LMF1: variants seen among roughly 807,000 people sequenced by gnomAD.
LMF1 encodes transmembrane protein 112.
LMF1 carries 68 observed loss-of-function variants against 60.6 expected under a neutral mutation model. The ratio of observed to expected loss-of-function variants is 1.12; its 90% CI spans 0.92 to 1.37. The LOEUF is 1.37. Among genes scored for constraint, LMF1 ranks in the 40% most tolerant of loss-of-function variants. LMF1 has a pLI of 0.00. For missense variants in LMF1, 948 were observed against 767.2 expected, an observed-to-expected ratio of 1.24 and a Z score of -2.78; for synonymous variants, 418 against 324.7, an observed-to-expected ratio of 1.29 and a Z score of -3.09.
rs750179680 is a variant in LMF1, at chr16:965,880, GA to G, written c.193+4907del. Among the ~76,000 whole-genome samples the G allele has an allele frequency of 3.2e-4, 48 of 152,282 alleles. 1 individual carries two copies. Among genetic ancestry groups the G allele is most frequent in the South Asian group, 1.4e-3 (7 of 4,832 alleles). ...CTGCTACGGGTCAGCACATTTCACT[GA>G]GCAGGAGATGCCCCTAGAAGACAAG... On this transcript the variant is annotated intron_variant, in intron 1 of 10. Transcript: ENST00000262301.
intron 10 of LMF1, among the ~76,000 whole-genome samples, chr16:861,029 T>C (rs1567139571): frequency 6.6e-6 from 1 of 151,984 alleles, no homozygotes; most frequent in Non-Finnish European, 1.5e-5. Flanking sequence ...TTTTTTTTAA[T>C]AGGAATTGCA....
Position 871,204 on chromosome 16 carries a change from C to G in LMF1, c.1035G>C (p.Gln345His). The G allele has an allele frequency of 6.2e-7, 1 of 1,610,716 alleles. No homozygotes were observed. Among genetic ancestry groups the G allele is most frequent in the Non-Finnish European group, 8.5e-7 (1 of 1,179,168 alleles). ...GGGCCCCTCGGATGTCCCTCTGCATCTGCAGAACTCGGTCCTTCAGGCTGC... is the reference window on the plus strand; with the variant it reads ...GGGCCCCTCGGATGTCCCTCTGCATGTGCAGAACTCGGTCCTTCAGGCTGC... ...GPGSLKDRVL[Q>H]MQRDIRGARP... Residue 345 changes from glutamine (Q) to histidine (H), a missense_variant, in exon 7 of 11, where the codon CAG becomes CAC. By Grantham distance (24) the Gln-to-His change is conservative. Coordinates refer to ENST00000262301, the MANE Select transcript of LMF1 (RefSeq NM_022773.4).
At chr16:865,294 T>G (rs1160789962) in intron 10 of LMF1, among the ~76,000 whole-genome samples, 1 of 152,246 alleles carries the variant, frequency 6.6e-6, no homozygotes, top group Non-Finnish European at 1.5e-5. Flanking sequence ...AGCCTTTGCT[T>G]AACCATCCAA....
chr16:864,238 AT>A (rs1321874537), intron 10 of LMF1, among the ~76,000 whole-genome samples: 1 of 152,212 alleles, frequency 6.6e-6, no homozygotes, highest in Non-Finnish European at 1.5e-5. Context: ...GGTTAATACA[AT>A]GAATCCTTTA....
chr16:942,976 T>G (rs771234341), intron 2 of LMF1, among the ~76,000 whole-genome samples: 4 of 152,262 alleles, frequency 2.6e-5, no homozygotes, highest in Non-Finnish European at 5.9e-5. Flanking sequence ...TGAGGCTATC[T>G]TCTACCCACC....
At chr16:928,191 C>T (rs1429834690) in intron 3 of LMF1, among the ~76,000 whole-genome samples, 2 of 152,214 alleles carry the variant, frequency 1.3e-5, no homozygotes, top group Admixed American at 6.5e-5. Context: ...GCACCCGCTA[C>T]GTGGATGGGC....
chr16:930,333 A>G (rs1477669291), intron 3 of LMF1, among the ~76,000 whole-genome samples: 5 of 152,210 alleles, frequency 3.3e-5, no homozygotes, highest in African/African-American at 1.2e-4. Flanking sequence ...GGGCTCTTAC[A>G]ACAGTAGAGA....
At chr16:948,359 CAG>C (rs1337325337) in intron 2 of LMF1, among the ~76,000 whole-genome samples, 1 of 147,098 alleles carries the variant, frequency 6.8e-6, no homozygotes, top group African/African-American at 2.5e-5. Context: ...ATGACAGAGT[CAG>C]AGCCAACGAC....
chr16:936,093 G>A (rs938606897), intron 2 of LMF1, among the ~76,000 whole-genome samples: 2 of 147,992 alleles, frequency 1.4e-5, no homozygotes, highest in Admixed American at 6.7e-5. Context: ...AGGGAGAGAG[G>A]GCACCCCGTT....
At position 970,449 on chromosome 16, in the gene LMF1, G is replaced by C. The variant is rs1162118109; in HGVS notation, c.193+339C>G. 2.6e-5 allele frequency among the ~76,000 whole-genome samples: 4 copies of C among 152,264 alleles called. No individual in the cohort carries two copies. In the East Asian group the frequency reaches 7.8e-4, roughly 30 times the overall value. Reference sequence around the variant, plus strand: ...GACCCTCCACCTGCCCAGCTCTCCTGGGAACTCCTGGGCCAGGGCCCGGGC... The same window carrying C: ...GACCCTCCACCTGCCCAGCTCTCCTCGGAACTCCTGGGCCAGGGCCCGGGC... On this transcript the variant is annotated intron_variant, in intron 1 of 10. Transcript: ENST00000262301.
intron 2 of LMF1, among the ~76,000 whole-genome samples, chr16:949,472 CCAACGACAGAGTCAGAGA>C (rs1192420355): frequency 2.1e-5 from 3 of 142,120 alleles, no homozygotes. Flanking sequence ...AGAGTCAGAG[CCAACGACAGAGTCAGAGA>C]CAACGACAGA....
upstream of LMF1, chr16:971,095 C>T: frequency 9.2e-7 from 1 of 1,087,192 alleles, no homozygotes; most frequent in Non-Finnish European, 1.2e-6. Flanking sequence ...CCCACCCACA[C>T]CCCGGGAGGC....
intron 6 of LMF1, among the ~76,000 whole-genome samples, chr16:879,056 C>T (rs981383221): frequency 1.1e-4 from 16 of 151,894 alleles, no homozygotes; most frequent in Admixed American, 8.5e-4. Context: ...GCAGGGATGG[C>T]GGTGACTGTG....
chr16:894,906 G>T (rs907112213), intron 4 of LMF1, among the ~76,000 whole-genome samples: 1 of 152,216 alleles, frequency 6.6e-6, no homozygotes, highest in African/African-American at 2.4e-5. Context: ...TGTTCACAGC[G>T]GAGGCCAGCC....
intron 3 of LMF1, among the ~76,000 whole-genome samples, chr16:925,281 G>T (rs957303791): frequency 6.6e-6 from 1 of 152,250 alleles, no homozygotes; most frequent in Non-Finnish European, 1.5e-5. Context: ...CTGGAAGTAT[G>T]AATCACAGCA....
In LMF1 at chr16:873,825, CA is replaced by C. The variant is rs1268496035; in HGVS notation, c.898-2485del. ...ACCAGTCCATCAGCATCCACGACAG[CA>C]GTGACCCAGAGCCCTATGCCTGACC... On this transcript the variant is annotated intron_variant, in intron 6 of 10. Coordinates refer to ENST00000262301, the MANE Select transcript of LMF1 (RefSeq NM_022773.4). 2.8e-4 allele frequency: 42 copies of C among 152,424 alleles called. 2 individuals are homozygous for C. The highest frequency in any genetic ancestry group is 2.7e-3 in the Admixed American group (42 of 15,286). 9.4% of individuals were successfully genotyped at this position (152,424 alleles called of 1,614,324 possible). A position where few individuals can be genotyped will look rare whatever the true frequency, so the allele number is the denominator to read the frequency against.
chr16:876,493 TCAA>T (rs2069981694), intron 6 of LMF1, among the ~76,000 whole-genome samples: 1 of 152,156 alleles, frequency 6.6e-6, no homozygotes, highest in Non-Finnish European at 1.5e-5. Context: ...GTCCTGCCTA[TCAA>T]CTATACAAGG....
intron 10 of LMF1, among the ~76,000 whole-genome samples, chr16:863,704 C>T (rs2069534056): frequency 6.6e-6 from 1 of 152,092 alleles, no homozygotes; most frequent in Non-Finnish European, 1.5e-5. Flanking sequence ...TGCCTGATGC[C>T]AAGAGGCTGG....
rs1176134715 is a variant in LMF1 at position 950,005 on chromosome 16, A to C, written c.503+4352T>G. ...CAACGACAGAGTCAGCCAACGACAGAGTCAGAGCCAACGACAGAGTCAGCC... is the reference window on the plus strand; with the variant it reads ...CAACGACAGAGTCAGCCAACGACAGCGTCAGAGCCAACGACAGAGTCAGCC... On this transcript the variant is annotated intron_variant, in intron 2 of 10. Coordinates refer to ENST00000262301, the MANE Select transcript of LMF1 (RefSeq NM_022773.4). Among the ~76,000 whole-genome samples the C allele has an allele frequency of 8.1e-5, 12 of 148,808 alleles. 1 individual carries two copies. The highest frequency in any genetic ancestry group is 2.3e-4 in the African/African-American group (9 of 39,596).
Sources: gnomAD v4.1 joint callset for allele counts (sites outside exome capture counted in the v4.1 genomes callset) on GRCh38, gnomAD v4.1.1 for gene constraint, MANE v1.5 for transcripts, NCBI Gene and HGNC (gene_info 2026-07-23, HGNC 2026-07-21) for gene names.